The following RAB3GAP1 variants were observed in gnomAD, a reference collection of about 807,000 sequenced individuals.
RAB3GAP1 encodes rab3 GTPase-activating protein catalytic subunit.
A neutral mutation model predicts 130.7 loss-of-function variants in RAB3GAP1; 86 were observed. The ratio of observed to expected loss-of-function variants is 0.66; its 90% CI spans 0.55 to 0.79. The LOEUF is 0.79. Among genes scored for constraint, RAB3GAP1 ranks in the 30% least tolerant of loss-of-function variants. The probability of loss-of-function intolerance (pLI) is 0.00; values close to 1 mark genes in which losing one functional copy is unlikely to be tolerated. For synonymous variants in RAB3GAP1, 367 were observed against 401.7 expected (o/e 0.91, Z 1.03); for missense variants, 1,029 against 1,169.4 (o/e 0.88, Z 1.75).
intron 5 of RAB3GAP1, among the ~76,000 whole-genome samples, chr2:135,104,652 A>G (rs567724622): frequency 2.1e-3 from 321 of 152,146 alleles, no homozygotes; most frequent in Admixed American, 4.5e-3. Flanking sequence ...CAAGAGTTCA[A>G]GACCAGCCTG....
intron 5 of RAB3GAP1, among the ~76,000 whole-genome samples, chr2:135,107,403 T>G (rs1690658714): frequency 6.6e-6 from 1 of 151,866 alleles, no homozygotes; most frequent in South Asian, 2.1e-4. Flanking sequence ...ATGTAATATA[T>G]ATGACAATAT....
At chr2:135,086,407 C>T (rs1250930147) in intron 3 of RAB3GAP1, among the ~76,000 whole-genome samples, 1 of 151,994 alleles carries the variant, frequency 6.6e-6, no homozygotes, top group Non-Finnish European at 1.5e-5. Flanking sequence ...TTTAGTCATT[C>T]TGTTGGGTGT....
intron 3 of RAB3GAP1, among the ~76,000 whole-genome samples, chr2:135,085,405 T>C (rs1387376774): frequency 6.6e-6 from 1 of 152,140 alleles, no homozygotes; most frequent in East Asian, 1.9e-4. Context: ...GAGGGAACAA[T>C]AGCAGATTTG....
At chr2:135,173,322 G>C (rs1385572386), downstream of RAB3GAP1, among the ~76,000 whole-genome samples, 3 of 151,824 alleles carry the variant, frequency 2.0e-5, no homozygotes, top group African/African-American at 7.3e-5. Flanking sequence ...TCTGGGGATT[G>C]AGCGAGAAAG....
intron 5 of RAB3GAP1, among the ~76,000 whole-genome samples, chr2:135,104,235 C>T (rs181719188): frequency 4.6e-5 from 7 of 152,160 alleles, no homozygotes; most frequent in African/African-American, 1.7e-4. Flanking sequence ...CAGTGTAAGT[C>T]CAGGCAAGTT....
Position 135,133,711 on chromosome 2 carries a change from T to C in RAB3GAP1, c.1327-150T>C, listed in dbSNP as rs72978379. The C allele has an allele frequency of 0.015, 9,597 of 640,322 alleles. 712 individuals are homozygous for C. The African/African-American group carries it at 0.16, about 11-fold the overall frequency. The allele number at this position is 640,322 out of a possible 1,614,324, so 39.7% of individuals were successfully genotyped here. The stretch of plus-strand genomic sequence containing the variant: ...AATGTGGGACTTCCTAAGAATAGTT[T>C]ATGCAGTAGTGTATTAGACATTTGA... On this transcript the variant is annotated intron_variant, in intron 14 of 23. Coordinates refer to ENST00000264158, the MANE Select transcript of RAB3GAP1 (RefSeq NM_012233.3).
At chr2:135,130,432 G>A in intron 12 of RAB3GAP1, 120 bp from the exon 13 acceptor site, 1 of 824,772 alleles carries the variant, frequency 1.2e-6, no homozygotes, top group Non-Finnish European at 1.9e-6. Flanking sequence ...ATAATTCCAA[G>A]ACCATGTAAC....
In RAB3GAP1 at chr2:135,081,327, A is replaced by AAAATATATAT. The variant is rs1363481112; in HGVS notation, c.151-9670_151-9669insAATATATATA. Among the ~76,000 whole-genome samples, 47 of 64,018 alleles carry AAAATATATAT rather than the reference A, an allele frequency of 7.3e-4. 1 individual carries two copies. Among genetic ancestry groups the AAAATATATAT allele is most frequent in the South Asian group, 2.8e-3 (3 of 1,062 alleles). The allele number at this position is 64,018 out of a possible 152,430, so 42.0% of individuals were successfully genotyped here. Reference sequence around the variant, plus strand: ...GTCTCAAAAAAAAAAAAAAAAAAAAAATATATATATATATATATATATATA... The same window carrying AAAATATATAT: ...GTCTCAAAAAAAAAAAAAAAAAAAAAAAATATATATATATATATATATATATATATATATA... On this transcript the variant is annotated intron_variant, in intron 3 of 23. Coordinates refer to ENST00000264158, the MANE Select transcript of RAB3GAP1 (RefSeq NM_012233.3).
intron 14 of RAB3GAP1, 52 bp from the exon 15 acceptor site, chr2:135,133,809 T>G: frequency 6.6e-7 from 1 of 1,509,282 alleles, no homozygotes; most frequent in Non-Finnish European, 9.2e-7. Context: ...CAGTTATATG[T>G]GTAAAATATT....
rs1691350103 is a variant in RAB3GAP1, at chr2:135,126,459, A to G, written c.900-124A>G. ...GGCTCCATGTATCTGGATAAGAGTA[A>G]GTTTAAGGGAGGCTAAATGGATTGC... is the stretch of plus-strand genomic sequence containing the variant. On this transcript the variant is annotated intron_variant, in intron 10 of 23. Transcript: ENST00000264158. 1.3e-5 allele frequency: 13 copies of G among 1,011,766 alleles called. No individual in the cohort carries two copies. In the South Asian group the frequency reaches 1.7e-4, roughly 13 times the overall value. The allele number at this position is 1,011,766 out of a possible 1,614,324, so 62.7% of individuals were successfully genotyped here.
At position 135,162,528 on chromosome 2, in the gene RAB3GAP1, C is replaced by T. The variant is rs763317931; in HGVS notation, c.2290-27C>T. The T allele has an allele frequency of 2.5e-6, 4 of 1,576,476 alleles. No individual in the cohort carries two copies. The Admixed American group carries it at 6.7e-5, about 26-fold the overall frequency. On this transcript the variant is annotated intron_variant, in intron 19 of 23. Coordinates refer to ENST00000264158, the MANE Select transcript of RAB3GAP1 (RefSeq NM_012233.3). ...TTCATCCTTTGACACCTGCGCTGAT[C>T]ATTTGTGTGCGCTGCACCTCCTTCA...
At chr2:135,121,919 C>A (rs1273137847) in intron 8 of RAB3GAP1, among the ~76,000 whole-genome samples, 1 of 152,032 alleles carries the variant, frequency 6.6e-6, no homozygotes, top group African/African-American at 2.4e-5. Flanking sequence ...ATGGTGAAAC[C>A]TTGTCTCTAC....
At chr2:135,102,791 G>A (rs1690484347) in intron 5 of RAB3GAP1, among the ~76,000 whole-genome samples, 1 of 151,900 alleles carries the variant, frequency 6.6e-6, no homozygotes, top group Non-Finnish European at 1.5e-5. Flanking sequence ...CAAGGCGGGC[G>A]GATCACGAGG....
At chr2:135,155,955 G>C (rs1692299434) in intron 19 of RAB3GAP1, among the ~76,000 whole-genome samples, 1 of 151,864 alleles carries the variant, frequency 6.6e-6, no homozygotes, top group Admixed American at 6.6e-5. Context: ...CAAGAAAAGG[G>C]AGAGCACATA....
intron 3 of RAB3GAP1, among the ~76,000 whole-genome samples, chr2:135,075,655 T>A (rs1464307172): frequency 6.7e-6 from 1 of 149,720 alleles, no homozygotes; most frequent in African/African-American, 2.4e-5. Context: ...TTTTTTAAAT[T>A]TTTTTTTATA....
chr2:135,159,264 T>A (rs1343563630), intron 19 of RAB3GAP1, among the ~76,000 whole-genome samples: 1 of 152,184 alleles, frequency 6.6e-6, no homozygotes, highest in Non-Finnish European at 1.5e-5. Context: ...AGTGTGTTCC[T>A]CCCAGAGAGT....
rs565690622 is a variant in RAB3GAP1, at chr2:135,060,353, G to C, written c.150+2267G>C. ...CAGCTCACCGCAACCTCCACCTCCC[G>C]GGTTCAAGAGATTCTCCTGCCTCAG... On this transcript the variant is annotated intron_variant, in intron 3 of 23. Transcript: ENST00000264158. Among the ~76,000 whole-genome samples, 10 of 146,212 alleles carry C rather than the reference G, an allele frequency of 6.8e-5. No homozygotes were observed. The South Asian group carries it at 1.9e-3, about 28-fold the overall frequency.
chr2:135,068,598 C>T (rs752083264), intron 3 of RAB3GAP1, among the ~76,000 whole-genome samples: 50 of 152,108 alleles, frequency 3.3e-4, no homozygotes, highest in Admixed American at 1.2e-3. Context: ...ACTAAAAATA[C>T]AAAAATTAGC....
chr2:135,075,910 CTT>C (rs996535280), intron 3 of RAB3GAP1, among the ~76,000 whole-genome samples: 38 of 126,708 alleles, frequency 3.0e-4, no homozygotes, highest in African/African-American at 5.2e-4. Flanking sequence ...TAACAGATTT[CTT>C]TTTTTTTTTT....
Sources: gnomAD v4.1 joint callset for allele counts (sites outside exome capture counted in the v4.1 genomes callset) on GRCh38, gnomAD v4.1.1 for gene constraint, MANE v1.5 for transcripts, NCBI Gene and HGNC (gene_info 2026-07-23, HGNC 2026-07-21) for gene names.